Variants in C19orf53 observed in about 807,000 individuals in gnomAD.
The protein encoded by C19orf53 is leydig cell tumor 10 kDa protein homolog.
C19orf53 carries 9 observed loss-of-function variants against 6.5 expected under a neutral mutation model. That is an observed-to-expected ratio of 1.38 (90% CI 0.83 to 2.40). The LOEUF is 2.40. Among genes scored for constraint, C19orf53 ranks in the 30% most tolerant of loss-of-function variants. C19orf53 has a pLI of 0.00. For synonymous variants in C19orf53, 68 were observed against 52.5 expected, an observed-to-expected ratio of 1.29 and a Z score of -1.27; for missense variants, 166 against 129.7, an observed-to-expected ratio of 1.28 and a Z score of -1.36.
At chr19:13,777,401 C>G (rs115395666) in intron 2 of C19orf53, among the ~76,000 whole-genome samples, 4,485 of 152,140 alleles carry the variant, frequency 0.029, 217 homozygotes, top group African/African-American at 0.1. Context: ...CTAATTCTTT[C>G]TTTTAGTACA....
rs757887264 is a variant in C19orf53 at position 13,778,237 on chromosome 19, A to G, written c.*39A>G. On this transcript the variant is annotated 3_prime_UTR_variant, in exon 3 of 3. Coordinates refer to ENST00000588234, the MANE Select transcript of C19orf53 (RefSeq NM_014047.3). The stretch of plus-strand genomic sequence containing the variant: ...AGTGCAGGCCAACATCCCACCCCCT[A>G]CCTCCATATGGGACCTTGCAAGTCA... The G allele has an allele frequency of 1.3e-6, 2 of 1,531,326 alleles. No individual in the cohort carries two copies. Among genetic ancestry groups the G allele is most frequent in the African/African-American group, 2.8e-5 (2 of 72,282 alleles). 94.9% of individuals were successfully genotyped at this position (1,531,326 alleles called of 1,614,324 possible).
In C19orf53 at chr19:13,777,477, C is replaced by T. The variant is rs532188941; in HGVS notation, c.154-575C>T. The stretch of plus-strand genomic sequence containing the variant: ...CTGGGCTCAAGTGATCTTCCTGCCT[C>T]AGCCTCGCAAAGTGCTGGGATCACA... On this transcript the variant is annotated intron_variant, in intron 2 of 2. Coordinates refer to ENST00000588234, the MANE Select transcript of C19orf53 (RefSeq NM_014047.3). 2.0e-5 allele frequency among the ~76,000 whole-genome samples: 3 copies of T among 152,300 alleles called. No individual in the cohort carries two copies. In the East Asian group the frequency reaches 5.8e-4, roughly 29 times the overall value.
chr19:13,777,992 C>T (rs1164173661), intron 2 of C19orf53, 60 bp from the exon 3 acceptor site: 2 of 1,540,232 alleles, frequency 1.3e-6, no homozygotes, highest in African/African-American at 2.7e-5. Flanking sequence ...AAGAGGGTGA[C>T]TGGTCAGGCC....
rs371507883 is a variant in C19orf53 at position 13,774,516 on chromosome 19, C to T, written c.39C>T (p.Pro13=). Residue 13 remains proline (P), a synonymous_variant, in exon 1 of 3, where the codon CCC becomes CCT. Transcript: ENST00000588234. ...AGCGCAAGTTTCAGGCGCACAAACC[C>T]GCAAAGAGTAAGACGGCAGCGGCAG... ...QGQRKFQAHK[P]AKSKTAAAAS... The T allele has an allele frequency of 1.9e-6, 3 of 1,613,508 alleles. No homozygotes were observed. Among genetic ancestry groups the T allele is most frequent in the East Asian group, 2.2e-5 (1 of 44,848 alleles).
intron 2 of C19orf53, among the ~76,000 whole-genome samples, chr19:13,775,966 T>A (rs1974366391): frequency 6.6e-6 from 1 of 151,834 alleles, no homozygotes. Context: ...TGTTTTGTTT[T>A]GTTTTTTTGA....
chr19:13,778,699 T>G lies in C19orf53; in HGVS notation c.*501T>G, dbSNP rs921724928. On this transcript the variant is annotated 3_prime_UTR_variant, in exon 3 of 3. Transcript: ENST00000588234. ...CTCACCCCTGGGGACACAACCAGAG[T>G]CAAGCTGGACATCAGTAGGTCAGAT... 6.6e-6 allele frequency among the ~76,000 whole-genome samples: 1 copy of G among 152,002 alleles called. No individual in the cohort carries two copies. Among genetic ancestry groups the G allele is most frequent in the Non-Finnish European group, 1.5e-5 (1 of 67,988 alleles).
intron 2 of C19orf53, among the ~76,000 whole-genome samples, chr19:13,775,833 C>G (rs1297290853): frequency 6.6e-6 from 1 of 152,142 alleles, no homozygotes; most frequent in East Asian, 1.9e-4. Context: ...TCAGCATGTC[C>G]AAAACCAAAT....
chr19:13,777,002 A>C (rs1974378161), intron 2 of C19orf53, among the ~76,000 whole-genome samples: 1 of 151,034 alleles, frequency 6.6e-6, no homozygotes, highest in Admixed American at 6.6e-5. Flanking sequence ...CCCAGGCTGG[A>C]GTGCAGTGGT....
At chr19:13,778,020 C>T (rs775422239) in intron 2 of C19orf53, 32 bp from the exon 3 acceptor site, 1 of 1,584,436 alleles carries the variant, frequency 6.3e-7, no homozygotes, top group Non-Finnish European at 8.6e-7. Flanking sequence ...AGCCCCAGGT[C>T]ACAATCTGAC....
chr19:13,778,153 G>A lies in C19orf53; in HGVS notation c.255G>A (p.Lys85=). 1 of 1,612,194 alleles carries A rather than the reference G, an allele frequency of 6.2e-7. No individual in the cohort carries two copies. The highest frequency in any genetic ancestry group is 1.3e-5 in the African/African-American group (1 of 75,004). Residue 85 remains lysine, a synonymous_variant, in exon 3 of 3, where the codon AAG becomes AAA. Transcript: ENST00000588234. ...TGGCACTGCTGAAGGCCCCAGCCAA[G>A]AAGAAAGGGGCAGCTGCCGCCACCT... ...KKLALLKAPA[K]KKGAAAATSS...
rs368519465 is a variant in C19orf53, at chr19:13,774,664, C to T, written c.110C>T (p.Ala37Val). Reference sequence around the variant, plus strand: ...CATCTTTCCCCAGGTCGTGTTATCGCTCCCAAGAAGGCGCGCGTCGTGCAG... The same window carrying T: ...CATCTTTCCCCAGGTCGTGTTATCGTTCCCAAGAAGGCGCGCGTCGTGCAG... ...RGPRKGGRVI[A>V]PKKARVVQQQ... The change falls in exon 2 of 3, where the codon GCT becomes GTT. Residue 37 changes from alanine to valine, a missense_variant. Ala to Val is a moderately conservative substitution (Grantham distance 64, BLOSUM62 0). Transcript: ENST00000588234. 3 of 1,610,398 alleles carry T rather than the reference C, an allele frequency of 1.9e-6. No homozygotes were observed. The highest frequency in any genetic ancestry group is 3.3e-4 in the Middle Eastern group (2 of 6,050).
intron 2 of C19orf53, among the ~76,000 whole-genome samples, chr19:13,776,280 A>G (rs1974371837): frequency 6.6e-6 from 1 of 150,834 alleles, no homozygotes; most frequent in Non-Finnish European, 1.5e-5. Context: ...GCTCGCCCCT[A>G]TTTTGCCCTT....
At chr19:13,776,381 C>A (rs954114116) in intron 2 of C19orf53, among the ~76,000 whole-genome samples, 1 of 151,958 alleles carries the variant, frequency 6.6e-6, no homozygotes, top group Non-Finnish European at 1.5e-5. Context: ...GTGCAGCCAC[C>A]TTCTCCCTTG....
At chr19:13,776,274 G>A (rs191143871) in intron 2 of C19orf53, among the ~76,000 whole-genome samples, 99 of 151,514 alleles carry the variant, frequency 6.5e-4, no homozygotes, top group Non-Finnish European at 1.3e-3. Flanking sequence ...CACTGTGCTC[G>A]CCCCTATTTT....
At chr19:13,774,889 G>C (rs749716483) in intron 2 of C19orf53, 182 bp downstream of exon 2, 1 of 787,626 alleles carries the variant, frequency 1.3e-6, no homozygotes, top group East Asian at 2.7e-5. Context: ...GATGGAGCCC[G>C]GGGCGCAGAG....
chr19:13,776,846 A>G (rs141037137), intron 2 of C19orf53, among the ~76,000 whole-genome samples: 1 of 152,194 alleles, frequency 6.6e-6, no homozygotes, highest in Non-Finnish European at 1.5e-5. Context: ...ACTGATGCTT[A>G]TATTGTCCCG....
chr19:13,776,124 ATTTTTTTTTTTTTTT>A (rs57201742), intron 2 of C19orf53, among the ~76,000 whole-genome samples: 1 of 84,920 alleles, frequency 1.2e-5, no homozygotes, highest in African/African-American at 4.6e-5. Flanking sequence ...CACCGGGCTA[ATTTTTTTTTTTTTTT>A]TTTTTTTTTT....
In C19orf53 at chr19:13,774,575, G is replaced by A; in HGVS notation, c.97+1G>A. ...AAGAATCGGGGCCCAAGAAAAGGCG[G>A]TAAGGAGCGGCCCGGGGACTTGGGG... On this transcript the variant is annotated splice_donor_variant, in intron 1 of 2. Coordinates refer to ENST00000588234, the MANE Select transcript of C19orf53 (RefSeq NM_014047.3). LOFTEE classifies it high-confidence loss of function. The A allele has an allele frequency of 6.2e-7, 1 of 1,614,082 alleles. No individual in the cohort carries two copies. The highest frequency in any genetic ancestry group is 8.5e-7 in the Non-Finnish European group (1 of 1,179,910).
rs777980542 is a variant in C19orf53, at chr19:13,774,713, C to T, written c.153+6C>T. ...AGCAGCAAAAGCTCAAGAAGGTGTG[C>T]GGGGGCGAGAGATGGAGCCCGGAGG... On this transcript the variant is annotated splice_donor_region_variant and intron_variant, in intron 2 of 2. Transcript: ENST00000588234. The T allele has an allele frequency of 2.5e-6, 4 of 1,592,778 alleles. No homozygotes were observed. Among genetic ancestry groups the T allele is most frequent in the East Asian group, 2.2e-5 (1 of 44,450 alleles).
Sources: allele counts gnomAD v4.1 joint callset (sites outside exome capture counted in the v4.1 genomes callset), GRCh38; gene constraint gnomAD v4.1.1; transcripts MANE v1.5; gene names NCBI Gene and HGNC (gene_info 2026-07-23, HGNC 2026-07-21).